NIBAN1: variants seen among roughly 807,000 people sequenced by gnomAD.
NIBAN1 encodes niban apoptosis regulator 1.
In NIBAN1, 81 loss-of-function variants were observed where a neutral mutation model predicts 75.1. The observed-to-expected ratio is 1.08, with a 90% CI of 0.90 to 1.30. The LOEUF (loss-of-function observed/expected upper bound fraction) is 1.30. Among genes scored for constraint, NIBAN1 ranks in the 50% most tolerant of loss-of-function variants. The probability of loss-of-function intolerance (pLI) is 0.00; values close to 1 mark genes in which losing one functional copy is unlikely to be tolerated. For synonymous variants in NIBAN1, 436 were observed against 424.8 expected, an observed-to-expected ratio of 1.03 and a Z score of -0.32; for missense variants, 1,133 against 1,128.1, an observed-to-expected ratio of 1.00 and a Z score of -0.06.
intron 12 of NIBAN1, among the ~76,000 whole-genome samples, chr1:184,799,735 CTTTTTTTTTTTTTT>C (rs780273995): frequency 0.1 from 5,066 of 49,820 alleles, 1,734 homozygotes; most frequent in African/African-American, 0.34. Context: ...GATTGCCATT[CTTTTTTTTTTTTTT>C]TTTTTTTTTT....
rs998078398 is a variant in NIBAN1, at chr1:184,899,328, T to A, written c.56-19A>T. On this transcript the variant is annotated intron_variant, in intron 1 of 13. Transcript: ENST00000367511. ...GTTTTCCCTAGAAAAATATGAAAAT[T>A]AGAATTCTTAAGTATAGCACAGAAT... The A allele has an allele frequency of 2.5e-6, 4 of 1,612,950 alleles. No individual in the cohort carries two copies. The highest frequency in any genetic ancestry group is 3.4e-6 in the Non-Finnish European group (4 of 1,179,366).
chr1:184,832,574 G>C (rs1428862620), intron 5 of NIBAN1, among the ~76,000 whole-genome samples: 1 of 152,212 alleles, frequency 6.6e-6, no homozygotes, highest in Non-Finnish European at 1.5e-5. Context: ...CTGAGGCACA[G>C]AAAGATGAAT....
rs752384724 is a variant in NIBAN1 at position 184,894,216 on chromosome 1, G to A, written c.187-10C>T. 1.2e-5 allele frequency: 19 copies of A among 1,591,554 alleles called. No homozygotes were observed. In the African/African-American group the frequency reaches 2.4e-4, roughly 20 times the overall value. ...CAGGCGCCAATGGTGGCTTAAAGAA[G>A]ATGAATACAATTAACTATCACAACA... On this transcript the variant is annotated splice_polypyrimidine_tract_variant and intron_variant, in intron 2 of 13. Transcript: ENST00000367511.
intron 1 of NIBAN1, among the ~76,000 whole-genome samples, chr1:184,957,805 T>C (rs1299828554): frequency 6.6e-6 from 1 of 152,204 alleles, no homozygotes; most frequent in African/African-American, 2.4e-5. Context: ...CCTCAGGAAA[T>C]TATCGTGCCT....
At chr1:184,947,750 G>T (rs1264062355) in intron 1 of NIBAN1, among the ~76,000 whole-genome samples, 2 of 152,198 alleles carry the variant, frequency 1.3e-5, no homozygotes, top group Admixed American at 1.3e-4. Flanking sequence ...GTGAGCCAAG[G>T]GGTGGTGCAG....
chr1:184,804,991 T>C (rs1021407439), intron 11 of NIBAN1, among the ~76,000 whole-genome samples: 3 of 152,160 alleles, frequency 2.0e-5, no homozygotes, highest in African/African-American at 4.8e-5. Context: ...GGTTTCACCG[T>C]GTTAGCCAGG....
intron 12 of NIBAN1, among the ~76,000 whole-genome samples, 199 bp from the exon 13 acceptor site, chr1:184,798,389 C>A (rs1280252366): frequency 1.3e-5 from 2 of 152,204 alleles, no homozygotes; most frequent in African/African-American, 4.8e-5. Flanking sequence ...TGTCTAGGCA[C>A]CATGCCTGAC....
At chr1:184,889,178 T>C (rs1300398190) in intron 4 of NIBAN1, among the ~76,000 whole-genome samples, 1 of 152,212 alleles carries the variant, frequency 6.6e-6, no homozygotes, top group Non-Finnish European at 1.5e-5. Context: ...ATTTAGTCTA[T>C]ATATTATCCA....
At chr1:184,918,351 C>T (rs890254564) in intron 1 of NIBAN1, among the ~76,000 whole-genome samples, 1 of 152,220 alleles carries the variant, frequency 6.6e-6, no homozygotes, top group Admixed American at 6.5e-5. Context: ...TTCAAACCCA[C>T]TCTTCACATC....
chr1:184,814,896 C>A (rs1654484352), intron 9 of NIBAN1, among the ~76,000 whole-genome samples: 1 of 152,188 alleles, frequency 6.6e-6, no homozygotes, highest in African/African-American at 2.4e-5. Flanking sequence ...TCATGAAGAA[C>A]TAGGACAGCC....
chr1:184,897,802 A>G (rs1420014084), intron 2 of NIBAN1, among the ~76,000 whole-genome samples: 2 of 152,082 alleles, frequency 1.3e-5, no homozygotes, highest in Non-Finnish European at 2.9e-5. Flanking sequence ...CTCTTCTTCT[A>G]TTATCTCACA....
At chr1:184,903,246 G>A (rs925397247) in intron 1 of NIBAN1, among the ~76,000 whole-genome samples, 2 of 152,214 alleles carry the variant, frequency 1.3e-5, no homozygotes, top group Non-Finnish European at 2.9e-5. Context: ...TTTGGCACAG[G>A]TATGTATCTC....
Position 184,818,633 on chromosome 1 carries a change from C to T in NIBAN1, c.1173+5G>A. 1.9e-6 allele frequency: 3 copies of T among 1,584,494 alleles called. No homozygotes were observed. The highest frequency in any genetic ancestry group is 1.1e-5 in the South Asian group (1 of 87,884). On this transcript the variant is annotated splice_donor_5th_base_variant and intron_variant, in intron 9 of 13. Transcript: ENST00000367511. ...CACACCCAGCTCCTCAGCTTTGTAT[C>T]CTACCTCCTTTAGCTGGACACTGTC... is the stretch of plus-strand genomic sequence containing the variant.
At position 184,899,432 on chromosome 1, in the gene NIBAN1, C is replaced by T. The variant is rs186887725; in HGVS notation, c.56-123G>A. On this transcript the variant is annotated intron_variant, in intron 1 of 13. Transcript: ENST00000367511. ...TCCCTCCAGTCACCCCTGTTTCTAT[C>T]CCTCCAGTCACCCCTGTTTCCCAGA... 3,653 of 1,000,582 alleles carry T rather than the reference C, an allele frequency of 3.7e-3. 11 individuals carry two copies. Among genetic ancestry groups the T allele is most frequent in the Non-Finnish European group, 4.6e-3 (3,203 of 691,734 alleles). 62.0% of individuals were successfully genotyped at this position (1,000,582 alleles called of 1,614,324 possible). A position where few individuals can be genotyped will look rare whatever the true frequency, so the allele number is the denominator to read the frequency against.
At chr1:184,822,524 G>A (rs978693979) in intron 8 of NIBAN1, among the ~76,000 whole-genome samples, 1 of 152,168 alleles carries the variant, frequency 6.6e-6, no homozygotes, top group East Asian at 1.9e-4. Context: ...TATGGCTCAA[G>A]GGCTTCAGTT....
At chr1:184,917,202 C>CTTTT (rs34437861) in intron 1 of NIBAN1, among the ~76,000 whole-genome samples, 2 of 137,504 alleles carry the variant, frequency 1.5e-5, no homozygotes, top group Non-Finnish European at 1.6e-5. Flanking sequence ...ATCTCTTCCA[C>CTTTT]TTTTTTTTTT....
At chr1:184,873,230 T>G (rs1220727687) in intron 5 of NIBAN1, among the ~76,000 whole-genome samples, 1 of 152,194 alleles carries the variant, frequency 6.6e-6, no homozygotes, top group Non-Finnish European at 1.5e-5. Context: ...TTGAACAAAC[T>G]TAAAGAAAAT....
chr1:184,817,230 T>C (rs1179289366), intron 9 of NIBAN1, among the ~76,000 whole-genome samples: 2 of 152,234 alleles, frequency 1.3e-5, no homozygotes, highest in Non-Finnish European at 2.9e-5. Context: ...CTGCATAGTA[T>C]TCCATGGTGT....
chr1:184,828,366 T>A (rs1362807438), intron 6 of NIBAN1, among the ~76,000 whole-genome samples: 2 of 152,074 alleles, frequency 1.3e-5, no homozygotes, highest in African/African-American at 4.8e-5. Flanking sequence ...AAGATTAAGG[T>A]CTTAGCAGAC....
Sources: allele counts gnomAD v4.1 joint callset (sites outside exome capture counted in the v4.1 genomes callset), GRCh38; gene constraint gnomAD v4.1.1; transcripts MANE v1.5; gene names NCBI Gene and HGNC (gene_info 2026-07-23, HGNC 2026-07-21).